The following POFUT3 variants were observed in gnomAD, a reference collection of about 807,000 sequenced individuals.
POFUT3 encodes protein O-fucosyltransferase 3, also known as GDP-fucose protein O-fucosyltransferase 3.
chr8:33,374,810 A>G, the POFUT3 span, among the ~76,000 whole-genome samples: 1 of 152,176 alleles, frequency 6.6e-6, no homozygotes, highest in Non-Finnish European at 1.5e-5. Context: ...TTAGTGGTTT[A>G]CAGTCAGCTA....
the POFUT3 span, among the ~76,000 whole-genome samples, chr8:33,365,729 T>C: frequency 1.3e-5 from 2 of 152,210 alleles, no homozygotes; most frequent in South Asian, 2.1e-4. Context: ...CCAGTTAGAA[T>C]GGCGATCATT....
chr8:33,357,093 C>T, the POFUT3 span, among the ~76,000 whole-genome samples: 5 of 152,056 alleles, frequency 3.3e-5, no homozygotes, highest in African/African-American at 9.6e-5. Flanking sequence ...TATAGTTTGA[C>T]GTCAGGTAGC....
the POFUT3 span, among the ~76,000 whole-genome samples, chr8:33,327,618 C>T: frequency 1.3e-5 from 2 of 152,112 alleles, no homozygotes; most frequent in Admixed American, 6.5e-5. Flanking sequence ...GATGGGATTC[C>T]GTTTCACACA....
the POFUT3 span, chr8:33,389,583 G>T: frequency 6.2e-7 from 1 of 1,614,094 alleles, no homozygotes; most frequent in Admixed American, 1.7e-5. Flanking sequence ...AAAGGAACTA[G>T]GTATCGGAGT....
At chr8:33,331,092 C>A in the POFUT3 span, among the ~76,000 whole-genome samples, 1 of 152,076 alleles carries the variant, frequency 6.6e-6, no homozygotes, top group Non-Finnish European at 1.5e-5. Context: ...GTAATCCCAG[C>A]ACTTTGGGAT....
At chr8:33,439,610 G>A in the POFUT3 span, among the ~76,000 whole-genome samples, 1 of 151,992 alleles carries the variant, frequency 6.6e-6, no homozygotes, top group Admixed American at 6.6e-5. Flanking sequence ...GCTTATGCCT[G>A]TAATCCCAGC....
the POFUT3 span, among the ~76,000 whole-genome samples, chr8:33,456,728 T>C: frequency 4.0e-5 from 6 of 151,712 alleles, no homozygotes; most frequent in African/African-American, 1.5e-4. Context: ...GTCCATGACA[T>C]GGAATAAAAA....
the POFUT3 span, among the ~76,000 whole-genome samples, chr8:33,363,424 C>A: frequency 6.6e-5 from 10 of 151,996 alleles, no homozygotes; most frequent in Non-Finnish European, 1.0e-4. Context: ...AAGATCAGAG[C>A]AGAACTGAAG....
chr8:33,313,819 T>G, the POFUT3 span, among the ~76,000 whole-genome samples: 4 of 152,196 alleles, frequency 2.6e-5, no homozygotes, highest in African/African-American at 9.6e-5. Flanking sequence ...TTAATCACAT[T>G]GCACTGTTGA....
the POFUT3 span, among the ~76,000 whole-genome samples, chr8:33,380,067 ATATATATACAC>A: frequency 1.4e-3 from 75 of 55,476 alleles, 3 homozygotes; most frequent in African/African-American, 2.9e-3. Flanking sequence ...TATATACACT[ATATATATACAC>A]TATATATACT....
At chr8:33,361,712 A>C in the POFUT3 span, among the ~76,000 whole-genome samples, 3 of 152,188 alleles carry the variant, frequency 2.0e-5, no homozygotes, top group African/African-American at 7.2e-5. Context: ...AATATATAGA[A>C]TACGTTAACA....
the POFUT3 span, chr8:33,371,363 G>A: frequency 1.3e-5 from 2 of 152,150 alleles, no homozygotes; most frequent in Admixed American, 1.3e-4. Flanking sequence ...TCACTGCTAA[G>A]CACACCAAGG....
chr8:33,392,557 T>C, the POFUT3 span, among the ~76,000 whole-genome samples: 6,701 of 152,118 alleles, frequency 0.044, 486 homozygotes, highest in African/African-American at 0.15. Flanking sequence ...TCAGCCTGGG[T>C]GACAGAGCGA....
chr8:33,382,497 T>C, the POFUT3 span, among the ~76,000 whole-genome samples: 63 of 152,116 alleles, frequency 4.1e-4, no homozygotes, highest in Admixed American at 3.5e-3. Context: ...AATGACTTAG[T>C]TGATGTGAGA....
At chr8:33,333,169 A>G in the POFUT3 span, among the ~76,000 whole-genome samples, 2 of 152,366 alleles carry the variant, frequency 1.3e-5, no homozygotes, top group East Asian at 1.9e-4. Flanking sequence ...ACTAGGGGTC[A>G]GCCCAGAAGG....
the POFUT3 span, among the ~76,000 whole-genome samples, chr8:33,461,172 CGGAAGGAA>C: frequency 8.4e-5 from 4 of 47,598 alleles, no homozygotes; most frequent in Middle Eastern, 0.017. Flanking sequence ...GGTACTGTGT[CGGAAGGAA>C]GGAAGGAAGG....
At chr8:33,356,121 G>A in the POFUT3 span, among the ~76,000 whole-genome samples, 234 of 152,192 alleles carry the variant, frequency 1.5e-3, 1 homozygote, top group African/African-American at 4.9e-3. Context: ...GAATAGAGCC[G>A]CAATAAACAT....
the POFUT3 span, among the ~76,000 whole-genome samples, chr8:33,397,261 T>C: frequency 6.6e-6 from 1 of 152,214 alleles, no homozygotes; most frequent in Non-Finnish European, 1.5e-5. Context: ...ATTCAGTTTC[T>C]TTCAATAATA....
At chr8:33,406,528 C>G in the POFUT3 span, among the ~76,000 whole-genome samples, 2 of 151,994 alleles carry the variant, frequency 1.3e-5, no homozygotes, top group South Asian at 4.2e-4. Context: ...CCTTGACCTC[C>G]CAGGCTCAAG....
Sources: allele counts gnomAD v4.1 joint callset (sites outside exome capture counted in the v4.1 genomes callset), GRCh38; gene constraint gnomAD v4.1.1; transcripts MANE v1.5; gene names NCBI Gene and HGNC (gene_info 2026-07-23, HGNC 2026-07-21).